Variants in ZFHX3 observed in about 807,000 individuals in gnomAD.
ZFHX3 encodes the protein zinc finger homeobox 3.
Under a neutral mutation model 279.1 loss-of-function variants are expected in ZFHX3, and 42 were observed. That is an observed-to-expected ratio of 0.15 (90% CI 0.12 to 0.19). The LOEUF (loss-of-function observed/expected upper bound fraction) is 0.19, where lower values mean the gene tolerates loss of function less well. ZFHX3 is among the 10% of genes least tolerant of loss of function. The pLI, the probability that ZFHX3 is intolerant of heterozygous loss-of-function variation, is 1.00. For missense variants in ZFHX3, 4,981 were observed against 4,754.0 expected, an observed-to-expected ratio of 1.05 and a Z score of -1.40; for synonymous variants, 2,293 against 1,957.8, an observed-to-expected ratio of 1.17 and a Z score of -4.52.
chr16:73,492,742 T>C (rs1211926730), intron 2 of ZFHX3, among the ~76,000 whole-genome samples: 1 of 152,238 alleles, frequency 6.6e-6, no homozygotes, highest in Non-Finnish European at 1.5e-5. Flanking sequence ...GTCATTATTA[T>C]ATTGCTTCTA....
chr16:72,818,477 G>C (rs1237723139), intron 5 of ZFHX3, among the ~76,000 whole-genome samples: 1 of 152,134 alleles, frequency 6.6e-6, no homozygotes, highest in Non-Finnish European at 1.5e-5. Context: ...CCCCCCAATA[G>C]AGAGAACAAC....
intron 1 of ZFHX3, among the ~76,000 whole-genome samples, chr16:73,011,610 G>A (rs1406554868): frequency 1.3e-5 from 2 of 152,028 alleles, no homozygotes; most frequent in Non-Finnish European, 2.9e-5. Context: ...GCTTGGTGGC[G>A]CTACTCAGGA....
intron 2 of ZFHX3, among the ~76,000 whole-genome samples, chr16:73,578,358 T>G (rs2051822472): frequency 6.6e-6 from 1 of 150,490 alleles, no homozygotes; most frequent in Admixed American, 6.7e-5. Context: ...CTAGGGCTTT[T>G]GCTCAAGTTT....
chr16:73,869,063 G>A (rs888601345), intron 1 of ZFHX3, among the ~76,000 whole-genome samples: 2 of 152,078 alleles, frequency 1.3e-5, no homozygotes, highest in African/African-American at 4.8e-5. Flanking sequence ...ATTTGTCCAG[G>A]TCACTATTCT....
At chr16:73,890,375 C>A (rs1352975318) in intron 1 of ZFHX3, among the ~76,000 whole-genome samples, 2 of 152,118 alleles carry the variant, frequency 1.3e-5, no homozygotes, top group African/African-American at 4.8e-5. Context: ...TTTACTCCTG[C>A]ATTCAGACCT....
Position 73,149,560 on chromosome 16 carries a change from A to G in ZFHX3, c.-1103-5729T>C, listed in dbSNP as rs34186585. 2.8e-3 allele frequency among the ~76,000 whole-genome samples: 433 copies of G among 152,304 alleles called. 3 individuals are homozygous for G. Among genetic ancestry groups the G allele is most frequent in the Non-Finnish European group, 4.8e-3 (327 of 68,042 alleles). On this transcript the variant is annotated intron_variant, in intron 5 of 17. Coordinates refer to the ZFHX3 transcript ENST00000641206. Reference sequence around the variant, plus strand: ...CTGCACATCTAGTCCTCTCTTGCTCAGTCATTTTCGGCACTTTGCGTTGGT... The same window carrying G: ...CTGCACATCTAGTCCTCTCTTGCTCGGTCATTTTCGGCACTTTGCGTTGGT...
chr16:73,364,338 CAAT>C (rs1206408677), intron 3 of ZFHX3, among the ~76,000 whole-genome samples: 3 of 148,924 alleles, frequency 2.0e-5, no homozygotes, highest in African/African-American at 7.4e-5. Flanking sequence ...ATAATAAATT[CAAT>C]AATAATAGTA....
chr16:73,115,924 G>C (rs1029682167), intron 7 of ZFHX3, among the ~76,000 whole-genome samples: 1 of 152,088 alleles, frequency 6.6e-6, no homozygotes, highest in African/African-American at 2.4e-5. Context: ...TTGCAGAACA[G>C]CCTGACCAAC....
At position 73,339,644 on chromosome 16, in the gene ZFHX3, A is replaced by G. The variant is rs537966531; in HGVS notation, c.-1290-21308T>C. Among the ~76,000 whole-genome samples the G allele has an allele frequency of 3.2e-4, 48 of 152,306 alleles. No individual in the cohort carries two copies. In the South Asian group the frequency reaches 8.9e-3, roughly 28 times the overall value. ...TCACTGGGCTGGGAGCGGGTTGCTT[A>G]TTCAACCATTGAGATAAGCCAACTA... On this transcript the variant is annotated intron_variant, in intron 3 of 17. Coordinates refer to the ZFHX3 transcript ENST00000641206.
chr16:72,901,274 A>C lies in ZFHX3; in HGVS notation c.3217-11312T>G, dbSNP rs142463448. ...CCGAGCCTACAGAAGAATTTCAACC[A>C]AATGCGAGAGGAAAATGCTCTTTAA... On this transcript the variant is annotated intron_variant, in intron 3 of 9. Transcript: ENST00000268489. 2.8e-3 allele frequency among the ~76,000 whole-genome samples: 419 copies of C among 152,290 alleles called. 4 individuals carry two copies. Among genetic ancestry groups the C allele is most frequent in the African/African-American group, 9.6e-3 (397 of 41,556 alleles).
chr16:73,124,263 G>A (rs1040197647), intron 7 of ZFHX3, among the ~76,000 whole-genome samples: 6 of 152,102 alleles, frequency 3.9e-5, no homozygotes, highest in Non-Finnish European at 5.9e-5. Flanking sequence ...CACTGGGGAC[G>A]GCAGATCTGC....
rs190755064 is a variant in ZFHX3, at chr16:73,633,813, G to A, written c.-1547+46367C>T. ...CTCAGGAGGCTGAGGTGAGAGAATC[G>A]CTTGAACCCGGGAGGCGGAGGTTGC... On this transcript the variant is annotated intron_variant, in intron 2 of 17. Coordinates refer to the ZFHX3 transcript ENST00000641206. 2.3e-3 allele frequency among the ~76,000 whole-genome samples: 355 copies of A among 152,058 alleles called. 5 individuals carry two copies. Among genetic ancestry groups the A allele is most frequent in the Admixed American group, 0.02 (307 of 15,270 alleles).
At chr16:73,715,330 C>G (rs1196081643) in intron 1 of ZFHX3, among the ~76,000 whole-genome samples, 1 of 152,166 alleles carries the variant, frequency 6.6e-6, no homozygotes, top group Non-Finnish European at 1.5e-5. Context: ...TGGCTATGAA[C>G]AGACCCAGTT....
chr16:72,822,254 T>C (rs918561356), intron 5 of ZFHX3, among the ~76,000 whole-genome samples: 4 of 152,182 alleles, frequency 2.6e-5, no homozygotes, highest in African/African-American at 9.7e-5. Flanking sequence ...GCTGACAAAC[T>C]CTATCTGACA....
At chr16:73,638,593 C>A (rs1410513995) in intron 2 of ZFHX3, among the ~76,000 whole-genome samples, 1 of 152,172 alleles carries the variant, frequency 6.6e-6, no homozygotes, top group Non-Finnish European at 1.5e-5. Flanking sequence ...TGCTTACATA[C>A]AGTTTGCCTT....
Position 73,643,619 on chromosome 16 carries a change from C to A in ZFHX3, c.-1547+36561G>T, listed in dbSNP as rs561361730. On this transcript the variant is annotated intron_variant, in intron 2 of 17. Transcript: ENST00000641206. ...GCTGAAGACTGCTTCAAAACTCAAC[C>A]TGAAAAGTCATCCTAGTGTGTTCCT... is the stretch of plus-strand genomic sequence containing the variant. Among the ~76,000 whole-genome samples, 35 of 152,330 alleles carry A rather than the reference C, an allele frequency of 2.3e-4. 1 individual carries two copies. The South Asian group carries it at 6.6e-3, about 29-fold the overall frequency.
At chr16:73,110,403 A>C (rs1319658917) in intron 7 of ZFHX3, among the ~76,000 whole-genome samples, 1 of 152,212 alleles carries the variant, frequency 6.6e-6, no homozygotes, top group East Asian at 1.9e-4. Context: ...ATTCAATTGT[A>C]ATAAAAGATA....
At chr16:73,707,361 T>C (rs1038079420) in intron 1 of ZFHX3, among the ~76,000 whole-genome samples, 14 of 152,076 alleles carry the variant, frequency 9.2e-5, no homozygotes, top group Non-Finnish European at 2.1e-4. Flanking sequence ...GGGTATATTT[T>C]TAAAATGTAA....
intron 2 of ZFHX3, among the ~76,000 whole-genome samples, chr16:72,952,122 G>C (rs1375703274): frequency 2.0e-5 from 3 of 152,236 alleles, no homozygotes; most frequent in African/African-American, 7.2e-5. Context: ...TGTGCCTGTA[G>C]TTCCAGTACT....
Sources: allele counts gnomAD v4.1 joint callset (sites outside exome capture counted in the v4.1 genomes callset), GRCh38; gene constraint gnomAD v4.1.1; transcripts MANE v1.5; gene names NCBI Gene and HGNC (gene_info 2026-07-23, HGNC 2026-07-21).